Variants in ZNF626 observed in about 807,000 individuals in gnomAD.
ZNF626 encodes the protein zinc finger protein 626, also known as CTC-513N18.7.
Under a neutral mutation model 11.7 loss-of-function variants are expected in ZNF626, and 4 were observed. The observed-to-expected ratio is 0.34, with a 90% CI of 0.17 to 0.78. The LOEUF is 0.78. Among genes scored for constraint, ZNF626 ranks in the 30% least tolerant of loss-of-function variants. ZNF626 has a pLI of 0.57. For synonymous variants in ZNF626, 179 were observed against 198.6 expected, an observed-to-expected ratio of 0.90 and a Z score of 0.83; for missense variants, 588 against 587.1, an observed-to-expected ratio of 1.00 and a Z score of -0.01.
rs531040366 is a variant in ZNF626 at position 20,649,606 on chromosome 19, C to A, written c.4-3201G>T. On this transcript the variant is annotated intron_variant, in intron 1 of 3. Coordinates refer to ENST00000601440, the MANE Select transcript of ZNF626 (RefSeq NM_001076675.3). ...CCCAGAACAATAAACAGAAGCTGTGCGGAGGACACAAGGAATTTCTGCAAA... is the reference window on the plus strand; with the variant it reads ...CCCAGAACAATAAACAGAAGCTGTGAGGAGGACACAAGGAATTTCTGCAAA... 7.2e-5 allele frequency among the ~76,000 whole-genome samples: 11 copies of A among 152,224 alleles called. No homozygotes were observed. In the South Asian group the frequency reaches 2.3e-3, roughly 32 times the overall value.
At chr19:20,641,217 CA>C (rs1175721625) in intron 3 of ZNF626, among the ~76,000 whole-genome samples, 1 of 150,838 alleles carries the variant, frequency 6.6e-6, no homozygotes, top group Non-Finnish European at 1.5e-5. Flanking sequence ...TCAAAAAAGC[CA>C]AAAGGCTGAA....
intron 3 of ZNF626, among the ~76,000 whole-genome samples, chr19:20,627,746 G>C (rs1434957227): frequency 6.6e-6 from 1 of 152,102 alleles, no homozygotes; most frequent in African/African-American, 2.4e-5. Flanking sequence ...AAAGTGGCAA[G>C]ACAGAAGTAG....
intron 3 of ZNF626, among the ~76,000 whole-genome samples, chr19:20,626,884 A>ATGT: frequency 6.6e-6 from 1 of 152,172 alleles, no homozygotes; most frequent in South Asian, 2.1e-4. Flanking sequence ...GAATGCTGGC[A>ATGT]GCCACCTGTA....
chr19:20,624,136 G>C lies in ZNF626; in HGVS notation c.*154C>G, dbSNP rs1192358341. The C allele has an allele frequency of 1.6e-6, 2 of 1,248,248 alleles. No individual in the cohort carries two copies. Among genetic ancestry groups the C allele is most frequent in the Non-Finnish European group, 2.4e-6 (2 of 849,734 alleles). The allele number at this position is 1,248,248 out of a possible 1,614,324, so 77.3% of individuals were successfully genotyped here. ...TCCAGTATGAAATCTCTTATGTGTAGTAAGTTTAGAGGAGTGCTTAAAGGC... is the reference window on the plus strand; with the variant it reads ...TCCAGTATGAAATCTCTTATGTGTACTAAGTTTAGAGGAGTGCTTAAAGGC... On this transcript the variant is annotated 3_prime_UTR_variant, in exon 4 of 4. Coordinates refer to ENST00000601440, the MANE Select transcript of ZNF626 (RefSeq NM_001076675.3).
chr19:20,638,567 C>T (rs1203753474), intron 3 of ZNF626, among the ~76,000 whole-genome samples: 2 of 151,750 alleles, frequency 1.3e-5, no homozygotes, highest in Admixed American at 6.6e-5. Context: ...GCTGAAGTAA[C>T]AGAATGGAAA....
Position 20,645,715 on chromosome 19 carries a change from C to T in ZNF626, c.195G>A (p.Met65Ile), listed in dbSNP as rs1970069294. 2 of 1,612,318 alleles carry T rather than the reference C, an allele frequency of 1.2e-6. No individual in the cohort carries two copies. The highest frequency in any genetic ancestry group is 1.7e-6 in the Non-Finnish European group (2 of 1,179,656). The change falls in exon 3 of 4, where the codon ATG becomes ATA. Residue 65 changes from methionine (M) to isoleucine (I), a missense_variant. Coordinates refer to ENST00000601440, the MANE Select transcript of ZNF626 (RefSeq NM_001076675.3). ...GTTTGGCTATCATCTCATTTCTCTT[C>T]ATGGTCAAAGGTTTTCTTCCTTGCT... ...CLEQGRKPLTMKRNEMIAKPS... is the reference protein window; with the variant it reads ...CLEQGRKPLTIKRNEMIAKPS...
At chr19:20,630,458 C>G (rs1361868229) in intron 3 of ZNF626, among the ~76,000 whole-genome samples, 1 of 152,090 alleles carries the variant, frequency 6.6e-6, no homozygotes, top group African/African-American at 2.4e-5. Context: ...AATTTCAGCT[C>G]CTATTATTGG....
chr19:20,651,662 A>G (rs1555772598), intron 1 of ZNF626, among the ~76,000 whole-genome samples: 1 of 152,124 alleles, frequency 6.6e-6, no homozygotes, highest in East Asian at 1.9e-4. Flanking sequence ...TGTCTCAAAG[A>G]CCACTAGATG....
chr19:20,640,956 C>A (rs1555771370), intron 3 of ZNF626, among the ~76,000 whole-genome samples: 1 of 151,922 alleles, frequency 6.6e-6, no homozygotes, highest in East Asian at 1.9e-4. Flanking sequence ...TGAGACCAGG[C>A]TGTCCCTGTC....
At chr19:20,640,848 C>G (rs1970016854) in intron 3 of ZNF626, among the ~76,000 whole-genome samples, 1 of 151,794 alleles carries the variant, frequency 6.6e-6, no homozygotes, top group South Asian at 2.1e-4. Context: ...AAATCTATAT[C>G]CAAAATACGT....
At chr19:20,627,567 A>C in intron 3 of ZNF626, among the ~76,000 whole-genome samples, 1 of 152,162 alleles carries the variant, frequency 6.6e-6, no homozygotes, top group Non-Finnish European at 1.5e-5. Flanking sequence ...TAATAAAATA[A>C]CATTAGTAAG....
chr19:20,649,576 T>C (rs782614733), intron 1 of ZNF626, among the ~76,000 whole-genome samples: 1 of 152,184 alleles, frequency 6.6e-6, no homozygotes, highest in African/African-American at 2.4e-5. Flanking sequence ...CCATGGATGC[T>C]TCCACCCAGA....
intron 1 of ZNF626, among the ~76,000 whole-genome samples, chr19:20,656,335 T>A (rs797038047): frequency 2.6e-5 from 4 of 151,506 alleles, no homozygotes; most frequent in African/African-American, 9.7e-5. Context: ...TATAAGAAAC[T>A]CTGCAAGATA....
intron 1 of ZNF626, among the ~76,000 whole-genome samples, chr19:20,651,186 CAA>C (rs34904142): frequency 0.5 from 63,669 of 126,786 alleles, 17,097 homozygotes; most frequent in Non-Finnish European, 0.64. Flanking sequence ...GACTCCATAT[CAA>C]AAAAAAAAAA....
At chr19:20,635,644 G>T (rs1555770842) in intron 3 of ZNF626, among the ~76,000 whole-genome samples, 1 of 152,056 alleles carries the variant, frequency 6.6e-6, no homozygotes, top group African/African-American at 2.4e-5. Flanking sequence ...TGTTAATTTT[G>T]TTATGTGTTT....
chr19:20,639,407 G>C (rs1555771208), intron 3 of ZNF626, among the ~76,000 whole-genome samples: 1 of 151,514 alleles, frequency 6.6e-6, no homozygotes, highest in African/African-American at 2.4e-5. Flanking sequence ...TTTGCATCTG[G>C]TGTATTCTGT....
intron 3 of ZNF626, among the ~76,000 whole-genome samples, chr19:20,627,464 A>C (rs1457713193): frequency 6.6e-6 from 1 of 152,092 alleles, no homozygotes; most frequent in Non-Finnish European, 1.5e-5. Flanking sequence ...AAATTTAAAA[A>C]ATCCTGGAAA....
chr19:20,659,135 A>C (rs1555773431), intron 1 of ZNF626, among the ~76,000 whole-genome samples: 1 of 151,608 alleles, frequency 6.6e-6, no homozygotes, highest in African/African-American at 2.4e-5. Flanking sequence ...ATTATGACTT[A>C]GATGGTGCTC....
At chr19:20,635,836 A>T (rs937932128) in intron 3 of ZNF626, among the ~76,000 whole-genome samples, 5 of 152,150 alleles carry the variant, frequency 3.3e-5, no homozygotes, top group African/African-American at 4.8e-5. Flanking sequence ...AGACAGGATT[A>T]AAAAAACTGT....
Sources: gnomAD v4.1 joint callset for allele counts (sites outside exome capture counted in the v4.1 genomes callset) on GRCh38, gnomAD v4.1.1 for gene constraint, MANE v1.5 for transcripts, NCBI Gene and HGNC (gene_info 2026-07-23, HGNC 2026-07-21) for gene names.